ZPBP: variants seen among roughly 807,000 people sequenced by gnomAD.
The protein encoded by ZPBP is zona pellucida binding protein, also known as zona pellucida-binding protein 1.
ZPBP carries 26 observed loss-of-function variants against 44.8 expected under a neutral mutation model. The observed-to-expected ratio is 0.58, with a 90% CI of 0.43 to 0.81. ZPBP has a LOEUF of 0.81. Ranked by LOEUF, ZPBP falls within the 30% of genes least tolerant of loss-of-function variation. The pLI, the probability that ZPBP is intolerant of heterozygous loss-of-function variation, is 0.00. For missense variants in ZPBP, 409 were observed against 434.0 expected (o/e 0.94, Z 0.51); for synonymous variants, 174 against 153.2 (o/e 1.14, Z -1.00).
intron 3 of ZPBP, among the ~76,000 whole-genome samples, chr7:50,063,951 AC>A (rs1359954173): frequency 6.6e-6 from 1 of 152,162 alleles, no homozygotes; most frequent in Non-Finnish European, 1.5e-5. Context: ...CCCATCTTGC[AC>A]CCACATAGCT....
intron 6 of ZPBP, among the ~76,000 whole-genome samples, chr7:50,012,349 G>A (rs1257175244): frequency 6.6e-6 from 1 of 151,920 alleles, no homozygotes; most frequent in African/African-American, 2.4e-5. Context: ...TTCAACTAGT[G>A]CATTCTATCA....
chr7:50,031,827 AAC>A (rs560415719), intron 4 of ZPBP, among the ~76,000 whole-genome samples: 3 of 151,352 alleles, frequency 2.0e-5, no homozygotes, highest in Admixed American at 6.6e-5. Flanking sequence ...TGGAACTGAG[AAC>A]ACACACACAC....
In ZPBP at chr7:50,018,302, T is replaced by C; in HGVS notation, c.721A>G (p.Thr241Ala). ...GTACATCGCTTGGGTCCTTTTTCAG[T>C]GTCTAGAGATGAAACTGAGAAAATA... ...FFAFSVSSLD[T>A]EKGPKRCTDH... The change falls in exon 6 of 8, where the codon ACT (threonine) becomes GCT (alanine). Residue 241 changes from threonine (T) to alanine (A), a missense_variant. Coordinates refer to ENST00000046087, the MANE Select transcript of ZPBP (RefSeq NM_007009.3). 2 of 1,607,934 alleles carry C rather than the reference T, an allele frequency of 1.2e-6. No individual in the cohort carries two copies. Among genetic ancestry groups the C allele is most frequent in the Non-Finnish European group, 1.7e-6 (2 of 1,176,800 alleles).
At chr7:49,864,107 G>T (rs1314305968) in intron 2 of ZPBP, among the ~76,000 whole-genome samples, 1 of 152,068 alleles carries the variant, frequency 6.6e-6, no homozygotes, top group Non-Finnish European at 1.5e-5. Context: ...GGCTGTGATT[G>T]TTTGTCTGTT....
chr7:50,033,735 C>T (rs1799706659), intron 4 of ZPBP, among the ~76,000 whole-genome samples: 1 of 149,824 alleles, frequency 6.7e-6, no homozygotes, highest in Non-Finnish European at 1.5e-5. Context: ...CTCTGTTGCC[C>T]AGGCTGGAGT....
the ZPBP span, among the ~76,000 whole-genome samples, chr7:49,845,267 T>C: frequency 3.1e-3 from 474 of 151,570 alleles, 2 homozygotes; most frequent in African/African-American, 0.01. Flanking sequence ...ACACTGCACA[T>C]GTACCCTGGA....
chr7:50,008,088 T>G (rs918321804), intron 6 of ZPBP, among the ~76,000 whole-genome samples: 1 of 152,064 alleles, frequency 6.6e-6, no homozygotes, highest in African/African-American at 2.4e-5. Flanking sequence ...TTATCTCTGT[T>G]TACAGATGAC....
At chr7:49,955,394 T>TA (rs1163004938) in intron 7 of ZPBP, among the ~76,000 whole-genome samples, 7 of 151,836 alleles carry the variant, frequency 4.6e-5, no homozygotes, top group South Asian at 4.1e-4. Flanking sequence ...CCATCTCTAC[T>TA]AAAAAAACAA....
intron 3 of ZPBP, among the ~76,000 whole-genome samples, chr7:50,060,460 T>A (rs114978630): frequency 0.014 from 2,141 of 151,840 alleles, 44 homozygotes; most frequent in African/African-American, 0.049. Flanking sequence ...ATAAACACCA[T>A]CAGAAATGAC....
chr7:49,952,670 T>C (rs1251689319), intron 7 of ZPBP, among the ~76,000 whole-genome samples: 1 of 151,980 alleles, frequency 6.6e-6, no homozygotes, highest in Non-Finnish European at 1.5e-5. Flanking sequence ...AGCAATGGTT[T>C]ACTAGACATA....
chr7:49,870,316 C>G (rs576581414), intron 2 of ZPBP, among the ~76,000 whole-genome samples: 1 of 152,118 alleles, frequency 6.6e-6, no homozygotes, highest in Non-Finnish European at 1.5e-5. Flanking sequence ...AGGAGAATGG[C>G]GTGAACCCAG....
chr7:49,881,058 G>A lies in ZPBP; in HGVS notation n.509+20060C>T, dbSNP rs957030288. ...TGGGTCCCTTGGTCCATTCTCTGTT[G>A]GCCAATATCTTGCCCTATCTTGTCC... On this transcript the variant is annotated intron_variant and non_coding_transcript_variant, in intron 2 of 2. Coordinates refer to the ZPBP transcript ENST00000465922. Among the ~76,000 whole-genome samples the A allele has an allele frequency of 3.3e-5, 5 of 152,062 alleles. No individual in the cohort carries two copies. The Middle Eastern group carries it at 0.01, about 310-fold the overall frequency.
intron 3 of ZPBP, among the ~76,000 whole-genome samples, chr7:50,062,644 C>T (rs1313824253): frequency 6.6e-6 from 1 of 152,166 alleles, no homozygotes; most frequent in Non-Finnish European, 1.5e-5. Context: ...GAAACTGGCG[C>T]CCTTCCTTCT....
intron 5 of ZPBP, among the ~76,000 whole-genome samples, chr7:50,029,585 A>G (rs1799497893): frequency 6.6e-6 from 1 of 152,226 alleles, no homozygotes; most frequent in Admixed American, 6.5e-5. Context: ...ACAAGAATAC[A>G]GTATTTGGAA....
At chr7:49,961,911 A>G (rs533577911) in intron 7 of ZPBP, among the ~76,000 whole-genome samples, 1 of 152,130 alleles carries the variant, frequency 6.6e-6, no homozygotes, top group Admixed American at 6.6e-5. Flanking sequence ...ATACATGTAC[A>G]CTTGCCCCCG....
the ZPBP span, among the ~76,000 whole-genome samples, chr7:49,841,171 T>C: frequency 8.6e-4 from 131 of 152,284 alleles, no homozygotes; most frequent in African/African-American, 2.9e-3. Flanking sequence ...CAAGTGGCCT[T>C]TGTGCTCCAG....
intron 7 of ZPBP, chr7:49,943,695 G>T: frequency 3.8e-6 from 1 of 261,790 alleles, no homozygotes. Context: ...CGTGTTCCCA[G>T]GGTTTATTCT....
chr7:49,967,352 C>G (rs1796103702), intron 7 of ZPBP, among the ~76,000 whole-genome samples: 1 of 152,070 alleles, frequency 6.6e-6, no homozygotes, highest in South Asian at 2.1e-4. Flanking sequence ...GAAGCAGGTA[C>G]CTTGTTTTCT....
chr7:49,847,248 A>T (rs1051991670), downstream of ZPBP, among the ~76,000 whole-genome samples: 5 of 149,172 alleles, frequency 3.4e-5, no homozygotes, highest in African/African-American at 1.2e-4. Flanking sequence ...ATAATATAAT[A>T]TAATTAGGTT....
Sources: gnomAD v4.1 joint callset for allele counts (sites outside exome capture counted in the v4.1 genomes callset) on GRCh38, gnomAD v4.1.1 for gene constraint, MANE v1.5 for transcripts, NCBI Gene and HGNC (gene_info 2026-07-23, HGNC 2026-07-21) for gene names.